Variants in SLC9A5 observed in about 807,000 individuals in gnomAD.
The protein encoded by SLC9A5 is sodium/hydrogen exchanger 5.
SLC9A5 carries 52 observed loss-of-function variants against 91.7 expected under a neutral mutation model. The observed-to-expected ratio is 0.57, with a 90% CI of 0.45 to 0.71. The LOEUF (loss-of-function observed/expected upper bound fraction) is 0.71. SLC9A5 is among the 30% of genes least tolerant of loss of function. The probability of loss-of-function intolerance (pLI) is 0.00; values close to 1 mark genes in which losing one functional copy is unlikely to be tolerated. For missense variants in SLC9A5, 871 were observed against 1,158.9 expected (o/e 0.75, Z 3.61); for synonymous variants, 419 against 474.5 (o/e 0.88, Z 1.52).
Position 67,268,658 on chromosome 16 carries a change from TTATATATATATATATA to T in SLC9A5, c.2219-2042_2219-2027del, listed in dbSNP as rs60054219. On this transcript the variant is annotated intron_variant, in intron 15 of 15. Coordinates refer to ENST00000299798, the MANE Select transcript of SLC9A5 (RefSeq NM_004594.3). ...TCAAACATCGTTCAAATTTCCCTGA[TTATATATATATATATA>T]TATATATATATATATATATATATAT... Among the ~76,000 whole-genome samples the T allele has an allele frequency of 6.2e-3, 263 of 42,324 alleles. 4 individuals are homozygous for T. Among genetic ancestry groups the T allele is most frequent in the Middle Eastern group, 0.033 (2 of 60 alleles). 27.8% of individuals were successfully genotyped at this position (42,324 alleles called of 152,430 possible).
At chr16:67,251,405 T>G (rs2035114271) in intron 1 of SLC9A5, among the ~76,000 whole-genome samples, 1 of 102,982 alleles carries the variant, frequency 9.7e-6, no homozygotes, top group Non-Finnish European at 1.8e-5. Flanking sequence ...TAGATTGTCT[T>G]TTTTTTTTTT....
Position 67,252,880 on chromosome 16 carries a change from A to C in SLC9A5, c.490+36A>C, listed in dbSNP as rs2035182200. On this transcript the variant is annotated intron_variant, in intron 2 of 15. Transcript: ENST00000299798. The surrounding 1 kb of genome is among the most constrained non-coding windows in gnomAD (Gnocchi z 4.0). Reference sequence around the variant, plus strand: ...CTAAGACCTGGGCTTTGCCAGACCCATCACCCCTCTCCCTTCTCCTCAAGC... The same window carrying C: ...CTAAGACCTGGGCTTTGCCAGACCCCTCACCCCTCTCCCTTCTCCTCAAGC... The C allele has an allele frequency of 6.4e-7, 1 of 1,567,398 alleles. No homozygotes were observed. Among genetic ancestry groups the C allele is most frequent in the South Asian group, 1.2e-5 (1 of 86,490 alleles).
At chr16:67,263,479 G>A (rs2035597554) in intron 12 of SLC9A5, 1 of 152,312 alleles carries the variant, frequency 6.6e-6, no homozygotes, top group African/African-American at 2.4e-5. Flanking sequence ...CGGGCTTGGT[G>A]TTGATAAGAG....
intron 15 of SLC9A5, among the ~76,000 whole-genome samples, chr16:67,269,420 A>C (rs2035846926): frequency 6.6e-6 from 1 of 152,152 alleles, no homozygotes; most frequent in South Asian, 2.1e-4. Flanking sequence ...TGACAGAGCA[A>C]GACTCCATCT....
chr16:67,261,193 T>TAG (rs2035519289), intron 12 of SLC9A5: 1 of 152,240 alleles, frequency 6.6e-6, no homozygotes, highest in East Asian at 1.9e-4. Context: ...ATTCTAGTTC[T>TAG]AGAACTTGCT....
At position 67,264,515 on chromosome 16, in the gene SLC9A5, G is replaced by A. The variant is rs751330671; in HGVS notation, c.2006G>A (p.Arg669His). The A allele has an allele frequency of 2.9e-5, 46 of 1,613,986 alleles. No homozygotes were observed. Among genetic ancestry groups the A allele is most frequent in the Middle Eastern group, 1.6e-4 (1 of 6,084 alleles). Residue 669 changes from arginine to histidine, a missense_variant, in exon 13 of 16, where the codon CGC becomes CAC. This residue lies in a region of SLC9A5 where 295 missense variants were observed against 326.0 expected (regional missense o/e 0.90). Transcript: ENST00000299798. ...KSKPRPRKTG[R>H]RKKDGVANAE... ...AAGCCACGACCCCGCAAGACTGGCC[G>A]CAGGAAGGCATGTCTTCCCTCAGGG...
At chr16:67,260,976 C>T (rs2035514397) in intron 12 of SLC9A5, 1 of 152,272 alleles carries the variant, frequency 6.6e-6, no homozygotes, top group Admixed American at 6.5e-5. Context: ...CTTGCACCCA[C>T]TGGTCCTGAT....
rs8061092 is a variant in SLC9A5, at chr16:67,270,657, G to A, written c.2219-81G>A. 1.8e-4 allele frequency: 186 copies of A among 1,020,322 alleles called. 3 individuals carry two copies. In the African/African-American group the frequency reaches 2.8e-3, roughly 15 times the overall value. 63.2% of individuals were successfully genotyped at this position (1,020,322 alleles called of 1,614,324 possible). A position where few individuals can be genotyped will look rare whatever the true frequency, so the allele number is the denominator to read the frequency against. On this transcript the variant is annotated intron_variant, in intron 15 of 15. Coordinates refer to ENST00000299798, the MANE Select transcript of SLC9A5 (RefSeq NM_004594.3). This position sits in a 1 kb window ranked among gnomAD's most constrained non-coding sequence, Gnocchi z 4.3. ...AAAATGGACGGCATATGGAAACTGT[G>A]GCATGAATTTATAAGAATGTGCTTA... is the stretch of plus-strand genomic sequence containing the variant.
rs763937506 is a variant in SLC9A5 at position 67,256,502 on chromosome 16, C to T, written c.945C>T (p.Tyr315=). ...VTMCGLGCKK[Y]VEANISHKSR... is the part of the protein sequence containing the mutation. ...TGTGTGGCCTGGGCTGTAAGAAGTA[C>T]GTGGAGGCCAACATCTCCCATAAGT... The change falls in exon 6 of 16, where the codon TAC becomes TAT. Residue 315 remains tyrosine, a synonymous_variant. Transcript: ENST00000299798. The surrounding 1 kb of genome is among the most constrained non-coding windows in gnomAD (Gnocchi z 4.1). The T allele has an allele frequency of 3.7e-6, 6 of 1,612,482 alleles. No individual in the cohort carries two copies. Among genetic ancestry groups the T allele is most frequent in the African/African-American group, 2.7e-5 (2 of 74,916 alleles).
Position 67,271,155 on chromosome 16 carries a change from C to A in SLC9A5, c.2636C>A (p.Pro879Gln). The change falls in exon 16 of 16, where the codon CCA becomes CAA. Residue 879 changes from proline (P) to glutamine (Q), a missense_variant. This residue lies in a region of SLC9A5 where 295 missense variants were observed against 326.0 expected (regional missense o/e 0.90). Transcript: ENST00000299798. Reference sequence around the variant, plus strand: ...CACAAGGACCACACCCATCTCAGCCCAGGCACCGCTACCTCCCACTGGTGC... The same window carrying A: ...CACAAGGACCACACCCATCTCAGCCAAGGCACCGCTACCTCCCACTGGTGC... ...MGHKDHTHLS[P>Q]GTATSHWCIQ... The A allele has an allele frequency of 6.2e-7, 1 of 1,613,274 alleles. No individual in the cohort carries two copies. The highest frequency in any genetic ancestry group is 8.5e-7 in the Non-Finnish European group (1 of 1,180,036).
intron 2 of SLC9A5, among the ~76,000 whole-genome samples, chr16:67,254,612 G>A (rs975106065): frequency 6.6e-6 from 1 of 152,234 alleles, no homozygotes; most frequent in Admixed American, 6.5e-5. Flanking sequence ...GGCCAGGCTG[G>A]TCTTGAACTC....
Position 67,256,139 on chromosome 16 carries a change from C to T in SLC9A5, c.911+209C>T, listed in dbSNP as rs2035308645. Among the ~76,000 whole-genome samples the T allele has an allele frequency of 2.0e-5, 3 of 152,210 alleles. No homozygotes were observed. Among genetic ancestry groups the T allele is most frequent in the African/African-American group, 7.2e-5 (3 of 41,448 alleles). ...GAGCTGTCCTCAGCACCCTGAAACC[C>T]TCTGGGTGTAGGCTGGGCTGGAAGT... On this transcript the variant is annotated intron_variant, in intron 5 of 15. Coordinates refer to ENST00000299798, the MANE Select transcript of SLC9A5 (RefSeq NM_004594.3). This position sits in a 1 kb window ranked among gnomAD's most constrained non-coding sequence, Gnocchi z 4.1.
chr16:67,256,915 A>C lies in SLC9A5; in HGVS notation c.1137A>C (p.Val379=). ...CTGGCCTCCCTCCCGCTGTAGGCGT[A>C]GTCCTGCAGACCTGGGTGCTGAATC... ...IFILFFRALG[V]VLQTWVLNQF... is the part of the protein sequence containing the mutation. Residue 379 remains valine (V), a synonymous_variant, in exon 7 of 16, where the codon GTA becomes GTC. Coordinates refer to ENST00000299798, the MANE Select transcript of SLC9A5 (RefSeq NM_004594.3). This position sits in a 1 kb window ranked among gnomAD's most constrained non-coding sequence, Gnocchi z 4.1. The C allele has an allele frequency of 1.2e-6, 2 of 1,613,728 alleles. No homozygotes were observed. Among genetic ancestry groups the C allele is most frequent in the Non-Finnish European group, 1.7e-6 (2 of 1,179,988 alleles).
rs940049725 is a variant in SLC9A5, at chr16:67,257,278, C to T, written c.1336-67C>T. 4.8e-5 allele frequency: 70 copies of T among 1,459,990 alleles called. 1 individual carries two copies. The highest frequency in any genetic ancestry group is 3.0e-4 in the South Asian group (26 of 87,522). The allele number at this position is 1,459,990 out of a possible 1,614,324, so 90.4% of individuals were successfully genotyped here. ...GGGTACTGAAGCTGAAGCCTCATTA[C>T]GGGGAGAGAAAGGCAGCAGGGAACT... On this transcript the variant is annotated intron_variant, in intron 7 of 15. Transcript: ENST00000299798. This position sits in a 1 kb window ranked among gnomAD's most constrained non-coding sequence, Gnocchi z 5.1.
rs1338265942 is a variant in SLC9A5 at position 67,256,652 on chromosome 16, G to A, written c.1095G>A (p.Leu365=). 3.7e-6 allele frequency: 6 copies of A among 1,613,670 alleles called. No individual in the cohort carries two copies. Among genetic ancestry groups the A allele is most frequent in the Non-Finnish European group, 4.2e-6 (5 of 1,179,928 alleles). ...GGGCCTGGGATTCTGGGCTGGTGCT[G>A]GGCACCCTCATCTTCATCCTGTTCT... is the stretch of plus-strand genomic sequence containing the variant. The part of the protein sequence containing the change: ...SKWAWDSGLV[L]GTLIFILFFR... The change falls in exon 6 of 16, where the codon CTG becomes CTA. Residue 365 remains leucine (L), a synonymous_variant. Transcript: ENST00000299798. The surrounding 1 kb of genome is among the most constrained non-coding windows in gnomAD (Gnocchi z 4.1).
chr16:67,251,696 G>A lies in SLC9A5; in HGVS notation c.188-846G>A, dbSNP rs139388843. On this transcript the variant is annotated intron_variant, in intron 1 of 15. Transcript: ENST00000299798. ...CCCAAAGTGCTGGGATTACAGGCATGAGCCACCGCGCCCCGCCTGTAGATT... is the reference window on the plus strand; with the variant it reads ...CCCAAAGTGCTGGGATTACAGGCATAAGCCACCGCGCCCCGCCTGTAGATT... 1.9e-3 allele frequency among the ~76,000 whole-genome samples: 284 copies of A among 152,150 alleles called. 5 individuals are homozygous for A. The highest frequency in any genetic ancestry group is 0.014 in the Admixed American group (221 of 15,290).
chr16:67,267,019 C>T (rs1402762252), intron 15 of SLC9A5, among the ~76,000 whole-genome samples: 2 of 149,080 alleles, frequency 1.3e-5, no homozygotes, highest in Non-Finnish European at 3.0e-5. Context: ...CTCAAGTGAT[C>T]CTCCCACCTC....
At position 67,255,580 on chromosome 16, in the gene SLC9A5, T is replaced by G. The variant is rs757411758; in HGVS notation, c.733+109T>G. ...AAGAGGCTATTCGGGTTGCCTCATC[T>G]CCTCTATAGAGAAATGGGGTCTGGG... On this transcript the variant is annotated intron_variant, in intron 4 of 15. Coordinates refer to ENST00000299798, the MANE Select transcript of SLC9A5 (RefSeq NM_004594.3). The surrounding 1 kb of genome is among the most constrained non-coding windows in gnomAD (Gnocchi z 4.9). 5.2e-6 allele frequency: 7 copies of G among 1,339,230 alleles called. No individual in the cohort carries two copies. The South Asian group carries it at 8.4e-5, about 16-fold the overall frequency. The allele number at this position is 1,339,230 out of a possible 1,614,324, so 83.0% of individuals were successfully genotyped here. A position where few individuals can be genotyped will look rare whatever the true frequency, so the allele number is the denominator to read the frequency against.
At position 67,271,343 on chromosome 16, in the gene SLC9A5, C is replaced by A; in HGVS notation, c.*133C>A. The A allele has an allele frequency of 1.3e-6, 1 of 790,278 alleles. No homozygotes were observed. The highest frequency in any genetic ancestry group is 2.3e-5 in the Admixed American group (1 of 44,256). 49.0% of individuals were successfully genotyped at this position (790,278 alleles called of 1,614,324 possible). ...AAGTAGTAATTGGGCTTCCTTGGAG[C>A]TAGTCAGAGGGGTCACCTAAGCTGG... On this transcript the variant is annotated 3_prime_UTR_variant, in exon 16 of 16. Transcript: ENST00000299798.
Sources: gnomAD v4.1 joint callset for allele counts (sites outside exome capture counted in the v4.1 genomes callset) on GRCh38, gnomAD v4.1.1 for gene constraint, gnomAD v4.1.1 regional missense constraint, Gnocchi (gnomAD v3.1) non-coding constraint, MANE v1.5 for transcripts, NCBI Gene and HGNC (gene_info 2026-07-23, HGNC 2026-07-21) for gene names.